Variants in UNC13C observed in about 807,000 individuals in gnomAD.
UNC13C encodes protein unc-13 homolog C.
In UNC13C, 174 loss-of-function variants were observed where a neutral mutation model predicts 245.4. The observed-to-expected ratio is 0.71, with a 90% CI of 0.63 to 0.80. The LOEUF is 0.80. UNC13C is among the 30% of genes least tolerant of loss of function. UNC13C has a pLI of 0.00. For missense variants in UNC13C, 2,829 were observed against 2,602.9 expected, an observed-to-expected ratio of 1.09 and a Z score of -1.89; for synonymous variants, 992 against 895.1, an observed-to-expected ratio of 1.11 and a Z score of -1.93.
In UNC13C at chr15:54,470,671, TTTTG is replaced by T. The variant is rs536457211; in HGVS notation, c.4934-23933_4934-23930del. Among the ~76,000 whole-genome samples, 37 of 151,510 alleles carry T rather than the reference TTTTG, an allele frequency of 2.4e-4. 1 individual carries two copies. In the South Asian group the frequency reaches 3.9e-3, roughly 16 times the overall value. On this transcript the variant is annotated intron_variant, in intron 19 of 32. Coordinates refer to ENST00000260323, the MANE Select transcript of UNC13C (RefSeq NM_001080534.3). ...AAGAAAAAAGCTAAGATTTTTTCAA[TTTTG>T]TTTATCTTTTTAAAAGCCAATTTTT...
the UNC13C span, among the ~76,000 whole-genome samples, chr15:53,965,114 A>G: frequency 4.6e-5 from 7 of 152,202 alleles, no homozygotes; most frequent in African/African-American, 1.7e-4. Context: ...GCACAAAATA[A>G]CTGGTTCCTT....
the UNC13C span, among the ~76,000 whole-genome samples, chr15:53,906,349 G>T: frequency 3.2e-4 from 49 of 152,238 alleles, no homozygotes; most frequent in African/African-American, 1.1e-3. Context: ...TGAGTTATAT[G>T]AATATCCCAA....
chr15:54,387,911 T>G (rs1458775769), intron 17 of UNC13C, among the ~76,000 whole-genome samples: 1 of 152,212 alleles, frequency 6.6e-6, no homozygotes, highest in Non-Finnish European at 1.5e-5. Flanking sequence ...CTTTAATCAT[T>G]GCTTAGCTGC....
intron 4 of UNC13C, among the ~76,000 whole-genome samples, chr15:54,192,898 C>CCA (rs71436273): frequency 0.16 from 24,382 of 148,120 alleles, 2,247 homozygotes; most frequent in Non-Finnish European, 0.21. Context: ...TTTCTCTGTG[C>CCA]CACACACACA....
chr15:54,056,985 G>C (rs1286337419), intron 2 of UNC13C, among the ~76,000 whole-genome samples: 1 of 152,070 alleles, frequency 6.6e-6, no homozygotes. Context: ...AGGAACAACT[G>C]GTACCAGCCA....
chr15:54,103,741 TTTTA>T (rs943371134), intron 2 of UNC13C, among the ~76,000 whole-genome samples: 2 of 152,068 alleles, frequency 1.3e-5, no homozygotes, highest in South Asian at 2.1e-4. Context: ...GATCTTTTTA[TTTTA>T]TTTATTTATT....
At chr15:53,966,535 C>T in the UNC13C span, among the ~76,000 whole-genome samples, 1 of 152,102 alleles carries the variant, frequency 6.6e-6, no homozygotes, top group South Asian at 2.1e-4. Context: ...TTGAATATCA[C>T]ATTTATGGTT....
intron 2 of UNC13C, chr15:54,050,470 CA>C: frequency 1.8e-6 from 1 of 547,950 alleles, no homozygotes; most frequent in Non-Finnish European, 3.7e-6. Flanking sequence ...TCTAAGCATC[CA>C]AGTCTTTGAC....
At chr15:54,251,397 C>G (rs2036149611) in intron 8 of UNC13C, among the ~76,000 whole-genome samples, 1 of 152,090 alleles carries the variant, frequency 6.6e-6, no homozygotes, top group South Asian at 2.1e-4. Context: ...ATTGGAAAGG[C>G]TAAATGTAAT....
chr15:54,606,647 A>C (rs1188573215), intron 30 of UNC13C, among the ~76,000 whole-genome samples: 1 of 152,222 alleles, frequency 6.6e-6, no homozygotes, highest in Admixed American at 6.5e-5. Context: ...GTAGTACCAT[A>C]AAAGGAAAAA....
At chr15:54,236,305 T>C in intron 5 of UNC13C, 125 bp from the exon 6 acceptor site, 1 of 722,958 alleles carries the variant, frequency 1.4e-6, no homozygotes, top group South Asian at 2.0e-5. Flanking sequence ...AGTTCAAATT[T>C]CTGTCTTCAC....
chr15:53,873,624 A>T, the UNC13C span, among the ~76,000 whole-genome samples: 2 of 151,302 alleles, frequency 1.3e-5, no homozygotes, highest in Admixed American at 1.3e-4. Context: ...AGAAGATATC[A>T]GTTACCCTGA....
intron 19 of UNC13C, among the ~76,000 whole-genome samples, chr15:54,426,083 A>G (rs1217670269): frequency 6.6e-6 from 1 of 151,718 alleles, no homozygotes; most frequent in African/African-American, 2.4e-5. Flanking sequence ...GAGTACATTG[A>G]GCAGAACTAG....
chr15:54,433,023 T>C (rs1026212325), intron 19 of UNC13C, among the ~76,000 whole-genome samples: 17 of 151,856 alleles, frequency 1.1e-4, no homozygotes, highest in African/African-American at 3.4e-4. Flanking sequence ...TTAACACATA[T>C]ATCTTCCAAG....
At chr15:53,868,193 C>G in the UNC13C span, among the ~76,000 whole-genome samples, 1 of 152,116 alleles carries the variant, frequency 6.6e-6, no homozygotes. Flanking sequence ...GCTCTCTAAT[C>G]CCCAGAAGTT....
At chr15:53,968,452 C>T in the UNC13C span, among the ~76,000 whole-genome samples, 1 of 151,986 alleles carries the variant, frequency 6.6e-6, no homozygotes, top group African/African-American at 2.4e-5. Flanking sequence ...AGGAAGAACC[C>T]AGAGAAGATG....
At chr15:54,589,631 G>A (rs769297374) in intron 30 of UNC13C, among the ~76,000 whole-genome samples, 1 of 151,846 alleles carries the variant, frequency 6.6e-6, no homozygotes, top group Admixed American at 6.6e-5. Context: ...GAATTGTCTA[G>A]TTATGTCTTT....
chr15:54,603,486 A>G (rs1336723112), intron 30 of UNC13C, among the ~76,000 whole-genome samples: 2 of 152,174 alleles, frequency 1.3e-5, no homozygotes, highest in African/African-American at 4.8e-5. Flanking sequence ...TTAGATATAT[A>G]TAGAAAATCA....
rs2140980016 is a variant in UNC13C at position 54,321,877 on chromosome 15, CTGT to C, written c.4269-55_4269-53del. The C allele has an allele frequency of 4.1e-6, 6 of 1,458,384 alleles. No individual in the cohort carries two copies. The South Asian group carries it at 6.4e-5, about 16-fold the overall frequency. The allele number at this position is 1,458,384 out of a possible 1,614,324, so 90.3% of individuals were successfully genotyped here. A position where few individuals can be genotyped will look rare whatever the true frequency, so the allele number is the denominator to read the frequency against. On this transcript the variant is annotated intron_variant, in intron 13 of 32. Coordinates refer to ENST00000260323, the MANE Select transcript of UNC13C (RefSeq NM_001080534.3). Reference sequence around the variant, plus strand: ...GAATTAATTGCTGATGTTAGAAGCTCTGTTGTTGTATGAATTAATTAATTTCTG... The same window carrying C: ...GAATTAATTGCTGATGTTAGAAGCTCTGTTGTATGAATTAATTAATTTCTG...
Sources: allele counts gnomAD v4.1 joint callset (sites outside exome capture counted in the v4.1 genomes callset), GRCh38; gene constraint gnomAD v4.1.1; transcripts MANE v1.5; gene names NCBI Gene and HGNC (gene_info 2026-07-23, HGNC 2026-07-21).